Variants in CWC27 observed in about 807,000 individuals in gnomAD.
The protein encoded by CWC27 is spliceosome-associated protein CWC27 homolog.
In CWC27, 47 loss-of-function variants were observed where a neutral mutation model predicts 63.6. The ratio of observed to expected loss-of-function variants is 0.74; its 90% CI spans 0.58 to 0.94. The LOEUF is 0.94. CWC27 is among the 40% of genes least tolerant of loss of function. CWC27 has a pLI of 0.00. For synonymous variants in CWC27, 175 were observed against 179.8 expected (o/e 0.97, Z 0.22); for missense variants, 495 against 554.3 (o/e 0.89, Z 1.07).
chr5:64,988,830 C>T (rs1008152569), intron 13 of CWC27, among the ~76,000 whole-genome samples: 7 of 152,186 alleles, frequency 4.6e-5, no homozygotes, highest in East Asian at 1.9e-4. Context: ...TCTCGAACTC[C>T]GTACCTCAGA....
intron 13 of CWC27, among the ~76,000 whole-genome samples, chr5:64,987,311 A>C (rs1408952918): frequency 6.6e-6 from 1 of 152,166 alleles, no homozygotes; most frequent in Non-Finnish European, 1.5e-5. Context: ...TAGAGTTAAT[A>C]TTTTATCATT....
At chr5:64,958,415 A>G (rs1345854850) in intron 11 of CWC27, among the ~76,000 whole-genome samples, 1 of 152,190 alleles carries the variant, frequency 6.6e-6, no homozygotes, top group African/African-American at 2.4e-5. Context: ...TATCTGTAAA[A>G]TGAGCAGGTT....
At chr5:64,936,199 C>T (rs1388597573) in intron 11 of CWC27, among the ~76,000 whole-genome samples, 6 of 151,518 alleles carry the variant, frequency 4.0e-5, no homozygotes, top group Admixed American at 3.3e-4. Context: ...GGAATGCTTC[C>T]AGCTTTTGCC....
intron 11 of CWC27, among the ~76,000 whole-genome samples, chr5:64,888,550 A>G (rs1039232526): frequency 1.4e-5 from 2 of 147,764 alleles, no homozygotes; most frequent in Non-Finnish European, 3.0e-5. Flanking sequence ...TCAACATATT[A>G]TATAAAATAT....
chr5:64,853,326 G>A (rs1166704433), intron 10 of CWC27, among the ~76,000 whole-genome samples: 3 of 152,028 alleles, frequency 2.0e-5, no homozygotes, highest in South Asian at 2.1e-4. Flanking sequence ...AAAACTTCTC[G>A]ACCCTATTTC....
chr5:64,800,435 AGCCAGCC>A, intron 8 of CWC27, 108 bp downstream of exon 8: 1 of 633,828 alleles, frequency 1.6e-6, no homozygotes, highest in Admixed American at 3.3e-5. Flanking sequence ...AAAATTTTTA[AGCCAGCC>A]AAAAAAATAA....
chr5:64,977,459 C>T (rs542658411), intron 13 of CWC27, among the ~76,000 whole-genome samples: 9 of 152,212 alleles, frequency 5.9e-5, no homozygotes, highest in African/African-American at 1.2e-4. Context: ...TTGATGTGTC[C>T]GGCATTGTGC....
At chr5:64,817,273 T>C (rs1280342411) in intron 10 of CWC27, among the ~76,000 whole-genome samples, 1 of 152,134 alleles carries the variant, frequency 6.6e-6, no homozygotes, top group Non-Finnish European at 1.5e-5. Context: ...AAATATCATC[T>C]TAACAGAGAG....
At chr5:64,779,249 T>G (rs952495533) in intron 2 of CWC27, among the ~76,000 whole-genome samples, 6 of 152,226 alleles carry the variant, frequency 3.9e-5, no homozygotes, top group Admixed American at 1.3e-4. Context: ...GTGAAATCTT[T>G]AGGGAACTGT....
chr5:64,901,254 G>A (rs1007117017), intron 11 of CWC27, among the ~76,000 whole-genome samples: 1 of 152,030 alleles, frequency 6.6e-6, no homozygotes, highest in Admixed American at 6.6e-5. Context: ...GTATAAAAGA[G>A]ATGGAGACCA....
intron 13 of CWC27, among the ~76,000 whole-genome samples, chr5:64,993,655 C>A (rs1226928346): frequency 6.6e-6 from 1 of 151,206 alleles, no homozygotes; most frequent in African/African-American, 2.4e-5. Flanking sequence ...TCTCCAGAAT[C>A]TTTTTATTTC....
chr5:64,832,363 C>T (rs986552219), intron 10 of CWC27, among the ~76,000 whole-genome samples: 3 of 151,416 alleles, frequency 2.0e-5, no homozygotes, highest in Non-Finnish European at 1.5e-5. Flanking sequence ...TCTAAAATTC[C>T]AACTTTTGCT....
intron 13 of CWC27, among the ~76,000 whole-genome samples, chr5:65,006,960 C>CGAA (rs1749852587): frequency 8.2e-6 from 1 of 121,214 alleles, no homozygotes; most frequent in Non-Finnish European, 1.7e-5. Flanking sequence ...TTTAAAAAGA[C>CGAA]AGAAAGAAAG....
intron 13 of CWC27, among the ~76,000 whole-genome samples, chr5:65,007,010 GAAAGAA>G (rs1373025407): frequency 1.0e-4 from 14 of 138,526 alleles, no homozygotes; most frequent in African/African-American, 3.0e-4. Flanking sequence ...AAGAAAGAAA[GAAAGAA>G]AGAAAGAAAA....
chr5:64,809,271 A>G (rs1346266446), intron 10 of CWC27, among the ~76,000 whole-genome samples: 1 of 152,250 alleles, frequency 6.6e-6, no homozygotes, highest in Non-Finnish European at 1.5e-5. Flanking sequence ...CCACTTCAGC[A>G]ACTTACCTTT....
intron 7 of CWC27, among the ~76,000 whole-genome samples, chr5:64,799,538 A>G (rs928061925): frequency 6.8e-6 from 1 of 147,908 alleles, no homozygotes. Context: ...GTGAGCTGAG[A>G]TCACACCACT....
intron 13 of CWC27, among the ~76,000 whole-genome samples, chr5:65,008,372 T>G (rs1749887776): frequency 6.6e-6 from 1 of 152,232 alleles, no homozygotes; most frequent in Non-Finnish European, 1.5e-5. Flanking sequence ...CCCAGTCAGA[T>G]AGATGCCTAA....
intron 11 of CWC27, among the ~76,000 whole-genome samples, chr5:64,906,167 T>G (rs1272269651): frequency 1.3e-5 from 2 of 152,214 alleles, no homozygotes; most frequent in Non-Finnish European, 2.9e-5. Flanking sequence ...TATAGTAGCA[T>G]GATTTATAAT....
chr5:64,818,867 A>G (rs1355315476), intron 10 of CWC27, among the ~76,000 whole-genome samples: 2 of 152,156 alleles, frequency 1.3e-5, no homozygotes, highest in Non-Finnish European at 2.9e-5. Flanking sequence ...GTGAAGTTTT[A>G]AAAATTATGT....
Sources: allele counts gnomAD v4.1 joint callset (sites outside exome capture counted in the v4.1 genomes callset), GRCh38; gene constraint gnomAD v4.1.1; transcripts MANE v1.5; gene names NCBI Gene and HGNC (gene_info 2026-07-23, HGNC 2026-07-21).